Variants in GPR137C observed in about 807,000 individuals in gnomAD.
GPR137C encodes the protein G protein-coupled receptor 137C.
A neutral mutation model predicts 43.4 loss-of-function variants in GPR137C; 27 were observed. The observed-to-expected ratio is 0.62, with a 90% CI of 0.46 to 0.86. The LOEUF (loss-of-function observed/expected upper bound fraction) is 0.86, where lower values mean the gene tolerates loss of function less well. Among genes scored for constraint, GPR137C ranks in the 40% least tolerant of loss-of-function variants. The probability of loss-of-function intolerance (pLI) is 0.00; values close to 1 mark genes in which losing one functional copy is unlikely to be tolerated. For missense variants in GPR137C, 522 were observed against 534.6 expected (o/e 0.98, Z 0.23); for synonymous variants, 285 against 226.9 (o/e 1.26, Z -2.30).
intron 1 of GPR137C, among the ~76,000 whole-genome samples, chr14:52,578,350 T>C (rs1333388590): frequency 6.6e-6 from 1 of 152,162 alleles, no homozygotes; most frequent in Non-Finnish European, 1.5e-5. Flanking sequence ...TTCTTTCCTA[T>C]TTTGCATCTG....
intron 3 of GPR137C, among the ~76,000 whole-genome samples, chr14:52,620,722 T>G (rs909174530): frequency 1.3e-5 from 2 of 151,190 alleles, no homozygotes; most frequent in East Asian, 3.9e-4. Context: ...TCAAGAGAAA[T>G]AAAAACTATT....
chr14:52,583,206 G>A (rs72684252), intron 1 of GPR137C, among the ~76,000 whole-genome samples: 15,901 of 152,000 alleles, frequency 0.1, 1,164 homozygotes, highest in East Asian at 0.37. Context: ...CATAAAGCAT[G>A]TGTTTATTGT....
intron 3 of GPR137C, 24 bp from the exon 4 acceptor site, chr14:52,632,136 G>T: frequency 6.4e-7 from 1 of 1,554,324 alleles, no homozygotes; most frequent in Non-Finnish European, 8.9e-7. Context: ...GAATACTAAA[G>T]ATGATGATTT....
intron 1 of GPR137C, among the ~76,000 whole-genome samples, chr14:52,572,190 C>T (rs2038481662): frequency 6.6e-6 from 1 of 152,226 alleles, no homozygotes; most frequent in Non-Finnish European, 1.5e-5. Flanking sequence ...TGGTACCATT[C>T]CTTCTGAAAC....
intron 1 of GPR137C, among the ~76,000 whole-genome samples, chr14:52,592,012 C>T (rs79133846): frequency 2.6e-5 from 4 of 152,068 alleles, no homozygotes; most frequent in South Asian, 2.1e-4. Flanking sequence ...TAAGGTGTAA[C>T]GAAAGGATCC....
chr14:52,613,216 C>T (rs2039058484), intron 3 of GPR137C: 2 of 147,608 alleles, frequency 1.4e-5, no homozygotes, highest in Admixed American at 1.4e-4. Flanking sequence ...ACTGCACCTC[C>T]AGCCTGGGGG....
At chr14:52,578,742 G>A (rs756176352) in intron 1 of GPR137C, among the ~76,000 whole-genome samples, 1 of 152,032 alleles carries the variant, frequency 6.6e-6, no homozygotes. Flanking sequence ...TCAGGAGTTC[G>A]AGACCAGCCT....
intron 1 of GPR137C, among the ~76,000 whole-genome samples, chr14:52,579,841 G>A (rs74050909): frequency 0.047 from 7,129 of 152,130 alleles, 405 homozygotes; most frequent in East Asian, 0.16. Context: ...TTTTTATTGC[G>A]AGCTGGCCGT....
intron 1 of GPR137C, among the ~76,000 whole-genome samples, chr14:52,591,651 C>T (rs1223464756): frequency 1.3e-5 from 2 of 152,022 alleles, no homozygotes; most frequent in African/African-American, 2.4e-5. Flanking sequence ...TCATATCCTT[C>T]GCCCACTTTT....
chr14:52,620,839 AC>A (rs1315374983), intron 3 of GPR137C, among the ~76,000 whole-genome samples: 1 of 151,998 alleles, frequency 6.6e-6, no homozygotes, highest in Non-Finnish European at 1.5e-5. Flanking sequence ...GAGTCAGTTC[AC>A]TTAAAGATAA....
chr14:52,569,345 A>G (rs2038427834), intron 1 of GPR137C, among the ~76,000 whole-genome samples: 1 of 151,638 alleles, frequency 6.6e-6, no homozygotes, highest in Non-Finnish European at 1.5e-5. Flanking sequence ...AAACCAGTGC[A>G]GAAAGGCTGA....
chr14:52,564,539 T>C (rs185746189), intron 1 of GPR137C, among the ~76,000 whole-genome samples: 263 of 152,250 alleles, frequency 1.7e-3, no homozygotes, highest in Non-Finnish European at 2.8e-3. Flanking sequence ...TAGTTAACTC[T>C]CAACTCCAGG....
At chr14:52,558,929 A>G (rs1430591347) in intron 1 of GPR137C, among the ~76,000 whole-genome samples, 1 of 152,194 alleles carries the variant, frequency 6.6e-6, no homozygotes, top group Non-Finnish European at 1.5e-5. Context: ...TGAGGATATA[A>G]TGAGCAGGTC....
chr14:52,578,356 ATC>A (rs2038594972), intron 1 of GPR137C, among the ~76,000 whole-genome samples: 1 of 151,688 alleles, frequency 6.6e-6, no homozygotes, highest in African/African-American at 2.4e-5. Context: ...CCTATTTTGC[ATC>A]TGTCTTCTTT....
intron 3 of GPR137C, among the ~76,000 whole-genome samples, chr14:52,629,612 C>T (rs759970153): frequency 6.6e-6 from 1 of 152,144 alleles, no homozygotes; most frequent in Non-Finnish European, 1.5e-5. Flanking sequence ...TATGGTGCCA[C>T]TTACATGAAC....
chr14:52,620,200 A>G (rs2139566515), intron 3 of GPR137C, among the ~76,000 whole-genome samples: 1 of 152,216 alleles, frequency 6.6e-6, no homozygotes. Flanking sequence ...ATCAGAAGAT[A>G]AAATTGTAGT....
At chr14:52,610,874 C>A (rs1234859691) in intron 3 of GPR137C, among the ~76,000 whole-genome samples, 1 of 152,176 alleles carries the variant, frequency 6.6e-6, no homozygotes, top group Non-Finnish European at 1.5e-5. Flanking sequence ...GACCATAGGT[C>A]TCTGCTAGTA....
In GPR137C at chr14:52,579,889, A is replaced by C. The variant is rs558588061; in HGVS notation, c.445-18383A>C. Among the ~76,000 whole-genome samples, 4 of 152,328 alleles carry C rather than the reference A, an allele frequency of 2.6e-5. No individual in the cohort carries two copies. The East Asian group carries it at 7.7e-4, about 29-fold the overall frequency. The stretch of plus-strand genomic sequence containing the variant: ...TACCTAACAAATACCAAATGTCAAG[A>C]TTCCAAGAAAGAAAACAGGTATTCA... On this transcript the variant is annotated intron_variant, in intron 1 of 6. Coordinates refer to ENST00000321662, the MANE Select transcript of GPR137C (RefSeq NM_001099652.2).
chr14:52,564,628 A>G (rs1056403508), intron 1 of GPR137C, among the ~76,000 whole-genome samples: 16 of 152,228 alleles, frequency 1.1e-4, no homozygotes, highest in African/African-American at 3.4e-4. Context: ...GAGGAGCATT[A>G]TGCTGCTCTT....
Sources: gnomAD v4.1 joint callset for allele counts (sites outside exome capture counted in the v4.1 genomes callset) on GRCh38, gnomAD v4.1.1 for gene constraint, MANE v1.5 for transcripts, NCBI Gene and HGNC (gene_info 2026-07-23, HGNC 2026-07-21) for gene names.